Variants in LRRTM4 observed in about 807,000 individuals in gnomAD.
The protein encoded by LRRTM4 is leucine-rich repeat transmembrane neuronal protein 4.
LRRTM4 carries 25 observed loss-of-function variants against 47.6 expected under a neutral mutation model. That is an observed-to-expected ratio of 0.53 (90% CI 0.38 to 0.73). LRRTM4 has a LOEUF of 0.73. Ranked by LOEUF, LRRTM4 falls within the 30% of genes least tolerant of loss-of-function variation. The pLI, the probability that LRRTM4 is intolerant of heterozygous loss-of-function variation, is 0.00. For synonymous variants in LRRTM4, 311 were observed against 269.5 expected, an observed-to-expected ratio of 1.15 and a Z score of -1.51; for missense variants, 638 against 713.4, an observed-to-expected ratio of 0.89 and a Z score of 1.20.
At chr2:76,777,346 G>A (rs1369718542) in intron 3 of LRRTM4, among the ~76,000 whole-genome samples, 3 of 141,382 alleles carry the variant, frequency 2.1e-5, no homozygotes, top group Non-Finnish European at 4.6e-5. Flanking sequence ...AAATTACCTT[G>A]GGCAGTATGG....
chr2:77,452,674 T>G (rs1676305020), intron 3 of LRRTM4, among the ~76,000 whole-genome samples: 1 of 152,190 alleles, frequency 6.6e-6, no homozygotes, highest in Non-Finnish European at 1.5e-5. Flanking sequence ...ATACTTTTTT[T>G]TAACAAGAGG....
intron 3 of LRRTM4, among the ~76,000 whole-genome samples, chr2:76,854,641 T>C (rs1672093234): frequency 6.6e-6 from 1 of 152,170 alleles, no homozygotes; most frequent in South Asian, 2.1e-4. Flanking sequence ...AGCACACCAC[T>C]GCCTGGGTCC....
intron 3 of LRRTM4, among the ~76,000 whole-genome samples, chr2:77,359,184 G>A (rs1380444365): frequency 6.6e-6 from 1 of 151,888 alleles, no homozygotes; most frequent in African/African-American, 2.4e-5. Context: ...ATCCACCTTT[G>A]TTTCTAATTA....
chr2:76,804,104 C>T (rs1182014543), intron 3 of LRRTM4, among the ~76,000 whole-genome samples: 1 of 152,100 alleles, frequency 6.6e-6, no homozygotes, highest in South Asian at 2.1e-4. Flanking sequence ...TTGCTTTGTG[C>T]CATTTTGCTG....
At chr2:76,994,404 C>A (rs1002804498) in intron 3 of LRRTM4, among the ~76,000 whole-genome samples, 6 of 151,902 alleles carry the variant, frequency 3.9e-5, no homozygotes, top group Non-Finnish European at 5.9e-5. Flanking sequence ...GTGCAAGCAT[C>A]CAAAATGGGC....
At chr2:76,787,099 A>C (rs1008046597) in intron 3 of LRRTM4, among the ~76,000 whole-genome samples, 1 of 152,112 alleles carries the variant, frequency 6.6e-6, no homozygotes, top group African/African-American at 2.4e-5. Context: ...AAGACAATAC[A>C]TGTGGCAAGG....
At position 77,159,279 on chromosome 2, in the gene LRRTM4, A is replaced by T. The variant is rs142106141; in HGVS notation, c.1551+359039T>A. Among the ~76,000 whole-genome samples, 1,264 of 152,320 alleles carry T rather than the reference A, an allele frequency of 8.3e-3. 8 individuals carry two copies. Among genetic ancestry groups the T allele is most frequent in the Non-Finnish European group, 0.014 (977 of 68,020 alleles). ...TTGACCAGAAATCTTACTGAGATAA[A>T]CAGTCAGTTGATGAACATTTTGTGT... On this transcript the variant is annotated intron_variant, in intron 3 of 3. Coordinates refer to ENST00000409884, the MANE Select transcript of LRRTM4 (RefSeq NM_001134745.3).
At chr2:77,298,320 T>C (rs1038841903) in intron 3 of LRRTM4, among the ~76,000 whole-genome samples, 5 of 152,172 alleles carry the variant, frequency 3.3e-5, no homozygotes, top group Admixed American at 1.3e-4. Context: ...CACTGCAAGC[T>C]CCGTCTCCCG....
At chr2:76,781,360 C>A (rs373528334) in intron 3 of LRRTM4, among the ~76,000 whole-genome samples, 1 of 152,212 alleles carries the variant, frequency 6.6e-6, no homozygotes, top group Admixed American at 6.5e-5. Context: ...GCCTGGCTGC[C>A]GCCTTGCAGT....
intron 3 of LRRTM4, among the ~76,000 whole-genome samples, chr2:77,007,894 G>A (rs763354415): frequency 6.6e-6 from 1 of 152,114 alleles, no homozygotes; most frequent in Non-Finnish European, 1.5e-5. Context: ...AAGTGATTTT[G>A]TCCTATATCC....
intron 3 of LRRTM4, among the ~76,000 whole-genome samples, chr2:76,966,883 G>A (rs1299516000): frequency 6.6e-6 from 1 of 151,316 alleles, no homozygotes; most frequent in Admixed American, 6.6e-5. Context: ...TGCTTGTATT[G>A]CCTTCATTGT....
chr2:77,022,014 C>T (rs1056390064), intron 3 of LRRTM4, among the ~76,000 whole-genome samples: 1 of 152,080 alleles, frequency 6.6e-6, no homozygotes, highest in African/African-American at 2.4e-5. Context: ...TGTATGAGTC[C>T]ATTTCATGCT....
Position 77,288,417 on chromosome 2 carries a change from C to A in LRRTM4, c.1551+229901G>T, listed in dbSNP as rs563774087. ...GTGTGAGAAGATATTGAAGAAAGAA[C>A]AATATCTGAAAAGCTGATCTTTCTG... On this transcript the variant is annotated intron_variant, in intron 3 of 3. Transcript: ENST00000409884. Among the ~76,000 whole-genome samples, 4 of 151,414 alleles carry A rather than the reference C, an allele frequency of 2.6e-5. No homozygotes were observed. In the East Asian group the frequency reaches 7.8e-4, roughly 29 times the overall value.
In LRRTM4 at chr2:77,518,854, A is replaced by G; in HGVS notation, c.1015T>C (p.Cys339Arg). Residue 339 changes from cysteine (C) to arginine (R), a missense_variant, in exon 3 of 4, where the codon TGT (cysteine) becomes CGT (arginine). By Grantham distance (180) the Cys-to-Arg change is radical. Transcript: ENST00000409884. ...CCCTGGATGTGCTTAGGTCCCGCAC[A>G]TATCATGGTGCTTTCCTTATTTCCT... ...FKGNKESTMI[C>R]AGPKHIQGEK... 1 of 1,608,216 alleles carries G rather than the reference A, an allele frequency of 6.2e-7. No individual in the cohort carries two copies. The highest frequency in any genetic ancestry group is 8.5e-7 in the Non-Finnish European group (1 of 1,176,796).
rs1017826576 is a variant in LRRTM4, at chr2:77,299,744, T to G, written c.1551+218574A>C. Among the ~76,000 whole-genome samples, 10 of 151,952 alleles carry G rather than the reference T, an allele frequency of 6.6e-5. 1 individual carries two copies. The highest frequency in any genetic ancestry group is 3.3e-4 in the Admixed American group (5 of 15,254). On this transcript the variant is annotated intron_variant, in intron 3 of 3. Transcript: ENST00000409884. ...AAGGAGTTTATCCATCATAAGTTAT[T>G]GAAAAGAAACACTTTCAGCCTTTCA... is the stretch of plus-strand genomic sequence containing the variant.
At chr2:77,065,322 A>T (rs565348793) in intron 3 of LRRTM4, among the ~76,000 whole-genome samples, 1 of 152,170 alleles carries the variant, frequency 6.6e-6, no homozygotes, top group Non-Finnish European at 1.5e-5. Flanking sequence ...ATAAAGATAA[A>T]CATACAGTCC....
chr2:76,945,785 A>G (rs1287150246), intron 3 of LRRTM4, among the ~76,000 whole-genome samples: 1 of 150,586 alleles, frequency 6.6e-6, no homozygotes, highest in African/African-American at 2.4e-5. Flanking sequence ...ATGTGTATGT[A>G]TTTATTTCAA....
chr2:77,316,321 G>A (rs1677616631), intron 3 of LRRTM4, among the ~76,000 whole-genome samples: 1 of 152,148 alleles, frequency 6.6e-6, no homozygotes, highest in Admixed American at 6.5e-5. Flanking sequence ...AAGATAATCT[G>A]AGAGATTAAA....
chr2:77,077,477 T>C (rs1558566197), intron 3 of LRRTM4, among the ~76,000 whole-genome samples: 2 of 152,164 alleles, frequency 1.3e-5, no homozygotes, highest in Non-Finnish European at 2.9e-5. Context: ...TTGGGAAATT[T>C]TGGTATGAAT....
Sources: gnomAD v4.1 joint callset for allele counts (sites outside exome capture counted in the v4.1 genomes callset) on GRCh38, gnomAD v4.1.1 for gene constraint, MANE v1.5 for transcripts, NCBI Gene and HGNC (gene_info 2026-07-23, HGNC 2026-07-21) for gene names.